ZNF536: variants seen among roughly 807,000 people sequenced by gnomAD.
ZNF536 encodes the protein zinc finger protein 536.
Under a neutral mutation model 84.5 loss-of-function variants are expected in ZNF536, and 13 were observed. The observed-to-expected ratio is 0.15, with a 90% CI of 0.10 to 0.24. The LOEUF (loss-of-function observed/expected upper bound fraction) is 0.24, where lower values mean the gene tolerates loss of function less well. ZNF536 is among the 10% of genes least tolerant of loss of function. ZNF536 has a pLI of 1.00. For missense variants in ZNF536, 1,536 were observed against 1,747.5 expected, an observed-to-expected ratio of 0.88 and a Z score of 2.16; for synonymous variants, 811 against 742.5, an observed-to-expected ratio of 1.09 and a Z score of -1.50.
intron 2 of ZNF536, among the ~76,000 whole-genome samples, chr19:30,327,995 C>T (rs1172215068): frequency 6.6e-6 from 1 of 152,210 alleles, no homozygotes; most frequent in Non-Finnish European, 1.5e-5. Flanking sequence ...CCCGTTTCCT[C>T]TTCTCTCAGA....
intron 1 of ZNF536, among the ~76,000 whole-genome samples, chr19:30,659,018 G>A (rs1431652357): frequency 6.6e-6 from 1 of 152,204 alleles, no homozygotes; most frequent in Non-Finnish European, 1.5e-5. Context: ...GGATGTTGAA[G>A]TTTTGCTGTC....
chr19:30,684,551 C>T (rs756671020), intron 1 of ZNF536, among the ~76,000 whole-genome samples: 8 of 152,200 alleles, frequency 5.3e-5, no homozygotes, highest in East Asian at 1.9e-4. Context: ...TCTTAGTTCT[C>T]ATTTTTGCTT....
At chr19:30,492,798 A>C (rs1033829767) in intron 2 of ZNF536, among the ~76,000 whole-genome samples, 4 of 152,164 alleles carry the variant, frequency 2.6e-5, no homozygotes, top group Non-Finnish European at 5.9e-5. Flanking sequence ...AGCATATACT[A>C]TGGTAGTTTC....
intron 2 of ZNF536, among the ~76,000 whole-genome samples, chr19:30,526,231 G>T (rs936860783): frequency 1.3e-5 from 2 of 152,224 alleles, no homozygotes; most frequent in Non-Finnish European, 2.9e-5. Flanking sequence ...TGCATCCAGG[G>T]TTGCAGTCTC....
intron 1 of ZNF536, among the ~76,000 whole-genome samples, chr19:30,438,991 G>A (rs553508855): frequency 6.6e-6 from 1 of 152,140 alleles, no homozygotes; most frequent in Admixed American, 6.5e-5. Flanking sequence ...TCGTTTGCAG[G>A]CAGCTCCACT....
intron 2 of ZNF536, among the ~76,000 whole-genome samples, chr19:30,345,243 T>TCC (rs3081846): frequency 2.0e-5 from 3 of 151,964 alleles, no homozygotes; most frequent in Admixed American, 6.5e-5. Context: ...CCCCGGGGGC[T>TCC]CCCCCCAGCA....
chr19:30,701,683 C>T (rs779642150), intron 1 of ZNF536, among the ~76,000 whole-genome samples: 37 of 152,334 alleles, frequency 2.4e-4, no homozygotes, highest in Middle Eastern at 3.4e-3. Flanking sequence ...GGTTGCAGTC[C>T]ATGGCAGGAG....
intron 1 of ZNF536, among the ~76,000 whole-genome samples, chr19:30,390,210 G>T (rs550417956): frequency 5.3e-4 from 81 of 152,248 alleles, no homozygotes; most frequent in African/African-American, 1.9e-3. Context: ...AGAGAAGCCT[G>T]CTAATTTGCT....
intron 1 of ZNF536, among the ~76,000 whole-genome samples, chr19:30,591,225 T>C (rs1299769634): frequency 3.3e-5 from 5 of 152,192 alleles, no homozygotes; most frequent in Admixed American, 6.5e-5. Context: ...GATCCGAGGG[T>C]GTCCTTACTG....
chr19:30,536,044 C>A (rs1599726709), intron 3 of ZNF536, among the ~76,000 whole-genome samples: 1 of 152,110 alleles, frequency 6.6e-6, no homozygotes, highest in Admixed American at 6.5e-5. Flanking sequence ...GGCCGAGTCA[C>A]CAGCCCTGTT....
At position 30,356,258 on chromosome 19, in the gene ZNF536, G is replaced by A. The variant is rs913289011; in HGVS notation, c.-3+3774G>A. On this transcript the variant is annotated intron_variant, in intron 3 of 5. Coordinates refer to the ZNF536 transcript ENST00000585628. ...TGGGAGGCCCAGTGACTTCCAGAAG[G>A]AAAGGCACTCAGAGCCTATAGAACC... is the stretch of plus-strand genomic sequence containing the variant. Among the ~76,000 whole-genome samples the A allele has an allele frequency of 1.9e-4, 29 of 152,308 alleles. 1 individual carries two copies. Among genetic ancestry groups the A allele is most frequent in the African/African-American group, 7.0e-4 (29 of 41,566 alleles).
chr19:30,506,190 T>C (rs919417560), intron 2 of ZNF536, among the ~76,000 whole-genome samples: 1 of 152,164 alleles, frequency 6.6e-6, no homozygotes, highest in African/African-American at 2.4e-5. Context: ...TTTTCCTTGT[T>C]TGTTTCATAA....
At chr19:30,399,344 A>T (rs1376584636) in intron 1 of ZNF536, among the ~76,000 whole-genome samples, 1 of 151,708 alleles carries the variant, frequency 6.6e-6, no homozygotes, top group Non-Finnish European at 1.5e-5. Flanking sequence ...GATTGCAAAA[A>T]TTTTCTCCCA....
At chr19:30,243,196 T>G (rs907074534) in intron 1 of ZNF536, among the ~76,000 whole-genome samples, 4 of 152,206 alleles carry the variant, frequency 2.6e-5, no homozygotes, top group African/African-American at 9.6e-5. Context: ...GCAACAGACC[T>G]TGTGGAACAG....
intron 1 of ZNF536, among the ~76,000 whole-genome samples, chr19:30,240,399 G>T (rs1243706616): frequency 6.6e-6 from 1 of 152,070 alleles, no homozygotes; most frequent in Non-Finnish European, 1.5e-5. Flanking sequence ...CAAGGAACTG[G>T]CTTTGCTGGG....
chr19:30,500,780 TC>T (rs1455123828), intron 2 of ZNF536, among the ~76,000 whole-genome samples: 8 of 152,270 alleles, frequency 5.3e-5, no homozygotes, highest in Non-Finnish European at 1.0e-4. Flanking sequence ...CCAAGGCTTC[TC>T]TTGGTCTTTA....
intron 1 of ZNF536, among the ~76,000 whole-genome samples, chr19:30,254,519 T>C (rs2024802832): frequency 6.7e-6 from 1 of 149,754 alleles, no homozygotes; most frequent in African/African-American, 2.5e-5. Context: ...GTAGAGAACC[T>C]TTGATTTTTT....
intron 1 of ZNF536, among the ~76,000 whole-genome samples, chr19:30,416,163 T>G (rs760336748): frequency 6.6e-6 from 1 of 152,202 alleles, no homozygotes; most frequent in African/African-American, 2.4e-5. Flanking sequence ...TTCCAACACT[T>G]TTTTGTCTTT....
chr19:30,583,715 C>T (rs985902492), intron 1 of ZNF536, among the ~76,000 whole-genome samples: 1 of 152,168 alleles, frequency 6.6e-6, no homozygotes, highest in Non-Finnish European at 1.5e-5. Flanking sequence ...GCATTCCTAG[C>T]TACTGGCACA....
Sources: allele counts gnomAD v4.1 joint callset (sites outside exome capture counted in the v4.1 genomes callset), GRCh38; gene constraint gnomAD v4.1.1; transcripts MANE v1.5; gene names NCBI Gene and HGNC (gene_info 2026-07-23, HGNC 2026-07-21).